Variants in ZNF888 observed in about 807,000 individuals in gnomAD.
The protein encoded by ZNF888 is zinc finger protein 888.
Under a neutral mutation model 7.2 loss-of-function variants are expected in ZNF888, and 5 were observed. That is an observed-to-expected ratio of 0.70 (90% CI 0.36 to 1.46). The LOEUF (loss-of-function observed/expected upper bound fraction) is 1.46. Among genes scored for constraint, ZNF888 ranks in the 40% most tolerant of loss-of-function variants. The probability of loss-of-function intolerance (pLI) is 0.03; values close to 1 mark genes in which losing one functional copy is unlikely to be tolerated. For synonymous variants in ZNF888, 240 were observed against 284.3 expected (o/e 0.84, Z 1.57); for missense variants, 716 against 858.0 (o/e 0.83, Z 2.07).
chr19:52,907,999 T>C lies in ZNF888; in HGVS notation c.323A>G (p.His108Arg). ...FQWQEDETNG[H>R]EAPMTEIKEL... Reference sequence around the variant, plus strand: ...TTTGATTTCTGTCATGGGTGCTTCATGGCCATTTGTTTCATCTTCTTGCCA... The same window carrying C: ...TTTGATTTCTGTCATGGGTGCTTCACGGCCATTTGTTTCATCTTCTTGCCA... Residue 108 changes from histidine to arginine, a missense_variant, in exon 5 of 5, where the codon CAT becomes CGT. Transcript: ENST00000638862. 20 of 1,614,164 alleles carry C rather than the reference T, an allele frequency of 1.2e-5. No homozygotes were observed. Among genetic ancestry groups the C allele is most frequent in the Non-Finnish European group, 1.6e-5 (19 of 1,180,008 alleles).
chr19:52,907,455 A>G lies in ZNF888; in HGVS notation c.867T>C (p.Tyr289=), dbSNP rs2064624263. The G allele has an allele frequency of 1.2e-6, 2 of 1,608,574 alleles. No individual in the cohort carries two copies. Among genetic ancestry groups the G allele is most frequent in the Non-Finnish European group, 1.7e-6 (2 of 1,177,496 alleles). The stretch of plus-strand genomic sequence containing the variant: ...AAGGTTTTTCTCCAGTATGACGTCT[A>G]TAATGACGTGCAAGGTATGCTTTTT... ...FNKKAYLARH[Y]RRHTGEKPYK... The change falls in exon 5 of 5, where the codon TAT becomes TAC. Residue 289 remains tyrosine, a synonymous_variant. Coordinates refer to ENST00000638862, the MANE Select transcript of ZNF888 (RefSeq NM_001393938.1).
At chr19:52,913,789 A>C in intron 4 of ZNF888, 1 of 958,288 alleles carries the variant, frequency 1.0e-6, no homozygotes, top group South Asian at 4.8e-5. Flanking sequence ...AATCATGCTT[A>C]AACCACTTAT....
Position 52,915,330 on chromosome 19 carries a change from GA to G in ZNF888, c.16-9del, listed in dbSNP as rs2064732547. 1 of 1,612,950 alleles carries G rather than the reference GA, an allele frequency of 6.2e-7. No homozygotes were observed. Among genetic ancestry groups the G allele is most frequent in the Non-Finnish European group, 8.5e-7 (1 of 1,179,970 alleles). On this transcript the variant is annotated splice_polypyrimidine_tract_variant and intron_variant, in intron 3 of 4. Coordinates refer to ENST00000638862, the MANE Select transcript of ZNF888 (RefSeq NM_001393938.1). ...CCTGAATGTCAATAGACCCTGAAAT[GA>G]AAACACATTTTAACCAAATGGTTAT...
intron 1 of ZNF888, chr19:52,921,824 A>C: frequency 5.9e-6 from 1 of 169,616 alleles, no homozygotes; most frequent in Non-Finnish European, 1.2e-5. Flanking sequence ...GCTACTCAGC[A>C]AGGCTGAGGC....
chr19:52,920,570 GTC>G (rs1196093387), intron 1 of ZNF888, among the ~76,000 whole-genome samples: 1 of 48,830 alleles, frequency 2.0e-5, no homozygotes, highest in Non-Finnish European at 4.4e-5. Flanking sequence ...GTCACTTACT[GTC>G]TCTCTAAGGG....
At chr19:52,916,615 CATATATATAT>C (rs67843514) in intron 3 of ZNF888, among the ~76,000 whole-genome samples, 16 of 131,476 alleles carry the variant, frequency 1.2e-4, no homozygotes, top group South Asian at 4.6e-4. Flanking sequence ...TATACATATA[CATATATATAT>C]ATATATATAT....
At chr19:52,912,165 G>C in intron 4 of ZNF888, among the ~76,000 whole-genome samples, 1 of 146,560 alleles carries the variant, frequency 6.8e-6, no homozygotes, top group Admixed American at 6.8e-5. Context: ...CCAGGCTGGA[G>C]TGTCGTGGCA....
intron 1 of ZNF888, among the ~76,000 whole-genome samples, chr19:52,922,308 T>C (rs1490518316): frequency 6.6e-6 from 1 of 151,924 alleles, no homozygotes; most frequent in Admixed American, 6.6e-5. Flanking sequence ...TTCCCCGTTA[T>C]ACCCCCCTGG....
chr19:52,923,332 G>A (rs2064843656), intron 1 of ZNF888, 37 bp downstream of exon 1: 5 of 985,664 alleles, frequency 5.1e-6, no homozygotes, highest in Non-Finnish European at 6.0e-6. Flanking sequence ...CGGGGACCTG[G>A]AGGCACAGCC....
rs1232292282 is a variant in ZNF888 at position 52,919,570 on chromosome 19, C to T, written c.-177-633G>A. On this transcript the variant is annotated intron_variant, in intron 1 of 4. Transcript: ENST00000638862. ...AAGTGCCGAGATTGCAGGCTCTGCC[C>T]AGCCGCCACCCCATCTGGGAAGTGA... Among the ~76,000 whole-genome samples the T allele has an allele frequency of 4.0e-4, 29 of 72,158 alleles. 11 individuals carry two copies. The highest frequency in any genetic ancestry group is 5.3e-4 in the Non-Finnish European group (16 of 29,918). The allele number at this position is 72,158 out of a possible 152,430, so 47.3% of individuals were successfully genotyped here.
At chr19:52,913,620 G>C in intron 4 of ZNF888, 1 of 724,200 alleles carries the variant, frequency 1.4e-6, no homozygotes, top group Non-Finnish European at 1.7e-6. Flanking sequence ...CACTGTACCC[G>C]GCCAGGTTAC....
chr19:52,911,971 C>T (rs2064686103), intron 4 of ZNF888, among the ~76,000 whole-genome samples: 1 of 151,358 alleles, frequency 6.6e-6, no homozygotes, highest in Non-Finnish European at 1.5e-5. Context: ...CACCCGCCAC[C>T]ACACCCTAAT....
At chr19:52,923,136 G>C (rs1459720119) in intron 1 of ZNF888, among the ~76,000 whole-genome samples, 2 of 152,148 alleles carry the variant, frequency 1.3e-5, no homozygotes, top group Non-Finnish European at 2.9e-5. Context: ...AAAACTACGC[G>C]ATACAAACTG....
In ZNF888 at chr19:52,907,554, G is replaced by T; in HGVS notation, c.768C>A (p.Tyr256Ter). The T allele has an allele frequency of 6.2e-7, 1 of 1,609,696 alleles. No individual in the cohort carries two copies. Among genetic ancestry groups the T allele is most frequent in the Non-Finnish European group, 8.5e-7 (1 of 1,178,192 alleles). The change falls in exon 5 of 5, where the codon TAC becomes TAA. Residue 256 changes from tyrosine to a stop codon, truncating the protein, a stop_gained. Transcript: ENST00000638862. LOFTEE classifies it low-confidence loss of function (END_TRUNC). ...VCGKDFNQKR[Y>*]LAHHRRCHTG... ...TGTGACATCTACGATGGTGTGCAAG[G>T]TATCGCTTCTGATTAAAGTCTTTGC... is the stretch of plus-strand genomic sequence containing the variant.
In ZNF888 at chr19:52,906,262, TC is replaced by T; in HGVS notation, c.2059del (p.Glu687ArgfsTer28). On this transcript the variant is annotated frameshift_variant, in exon 5 of 5. Transcript: ENST00000638862. LOFTEE classifies it low-confidence loss of function (END_TRUNC). ...LAQHTRIHTG[E>X]KPFKCSECGK... ...ACACTCACTACACTTGAAAGGTTTC[TC>T]TCCAGTATGAATTCTAGTATGTTGT... 1 of 1,611,996 alleles carries T rather than the reference TC, an allele frequency of 6.2e-7. No homozygotes were observed. Among genetic ancestry groups the T allele is most frequent in the Non-Finnish European group, 8.5e-7 (1 of 1,178,818 alleles).
At chr19:52,914,881 G>A (rs796920908) in intron 4 of ZNF888, among the ~76,000 whole-genome samples, 55 of 152,236 alleles carry the variant, frequency 3.6e-4, no homozygotes, top group African/African-American at 1.2e-3. Context: ...TGGCCAGGCT[G>A]GTCTCCAACT....
At position 52,904,544 on chromosome 19, in the gene ZNF888, C is replaced by T. The variant is rs7254555; in HGVS notation, c.*1621G>A. The T allele has an allele frequency of 0.22, 33,875 of 152,066 alleles. 4,359 individuals are homozygous for T. Among genetic ancestry groups the T allele is most frequent in the Admixed American group, 0.35 (5,332 of 15,272 alleles). 9.4% of individuals were successfully genotyped at this position (152,066 alleles called of 1,614,324 possible). On this transcript the variant is annotated 3_prime_UTR_variant, in exon 5 of 5. Transcript: ENST00000638862. Reference sequence around the variant, plus strand: ...CACTAAGGATTTCACATGAAACGGTCGTGATTGATTTGAGCAAGCAGTGGG... The same window carrying T: ...CACTAAGGATTTCACATGAAACGGTTGTGATTGATTTGAGCAAGCAGTGGG...
rs1220437856 is a variant in ZNF888 at position 52,907,547 on chromosome 19, G to A, written c.775C>T (p.His259Tyr). 6.2e-6 allele frequency: 10 copies of A among 1,609,538 alleles called. No homozygotes were observed. The highest frequency in any genetic ancestry group is 3.3e-5 in the South Asian group (3 of 90,280). Residue 259 changes from histidine to tyrosine, a missense_variant, in exon 5 of 5, where the codon CAC becomes TAC. Physicochemically the swap from His to Tyr is moderately conservative, Grantham distance 83. Around this residue, in one of 2 missense-constraint regions of ZNF888, gnomAD observed 697 missense variants for 803.4 expected, o/e 0.87. Coordinates refer to ENST00000638862, the MANE Select transcript of ZNF888 (RefSeq NM_001393938.1). ...TCACCAGTGTGACATCTACGATGGT[G>A]TGCAAGGTATCGCTTCTGATTAAAG... ...KDFNQKRYLA[H>Y]HRRCHTGEKP... is the part of the protein sequence containing the mutation.
At chr19:52,915,806 A>C (rs1221182225) in intron 3 of ZNF888, among the ~76,000 whole-genome samples, 1 of 152,270 alleles carries the variant, frequency 6.6e-6, no homozygotes, top group Non-Finnish European at 1.5e-5. Flanking sequence ...CTTTTTGAAG[A>C]GGTCAAGACA....
Sources: gnomAD v4.1 joint callset for allele counts (sites outside exome capture counted in the v4.1 genomes callset) on GRCh38, gnomAD v4.1.1 for gene constraint, gnomAD v4.1.1 regional missense constraint, MANE v1.5 for transcripts, NCBI Gene and HGNC (gene_info 2026-07-23, HGNC 2026-07-21) for gene names.